PAFAH1B1: variants seen among roughly 807,000 people sequenced by gnomAD.
PAFAH1B1 encodes the protein platelet activating factor acetylhydrolase 1b regulatory subunit 1.
A neutral mutation model predicts 57.5 loss-of-function variants in PAFAH1B1; 2 were observed. The observed-to-expected ratio is 0.03, with a 90% CI of 0.01 to 0.11. The LOEUF is 0.11. Among genes scored for constraint, PAFAH1B1 ranks in the 10% least tolerant of loss-of-function variants. The pLI, the probability that PAFAH1B1 is intolerant of heterozygous loss-of-function variation, is 1.00. For synonymous variants in PAFAH1B1, 152 were observed against 169.6 expected (o/e 0.90, Z 0.81); for missense variants, 257 against 512.0 (o/e 0.50, Z 4.81).
At chr17:2,599,266 A>G (rs2068114464) in intron 1 of PAFAH1B1, among the ~76,000 whole-genome samples, 1 of 152,212 alleles carries the variant, frequency 6.6e-6, no homozygotes, top group Non-Finnish European at 1.5e-5. Context: ...GTCGAATGTT[A>G]GGTTAGTGAC....
intron 2 of PAFAH1B1, among the ~76,000 whole-genome samples, chr17:2,662,684 C>T (rs953639727): frequency 2.0e-5 from 3 of 152,026 alleles, no homozygotes; most frequent in East Asian, 3.9e-4. Context: ...GAATTACATG[C>T]GTAGGCCACT....
At position 2,619,406 on chromosome 17, in the gene PAFAH1B1, T is replaced by A. The variant is rs7224954; in HGVS notation, c.-190-18693T>A. ...ACCATGCCTGGCTAATTAAAAAAAA[T>A]TTTTTTGGTAGAGACTGGGTTTCAC... On this transcript the variant is annotated intron_variant, in intron 1 of 10. Coordinates refer to ENST00000397195, the MANE Select transcript of PAFAH1B1 (RefSeq NM_000430.4). Among the ~76,000 whole-genome samples the A allele has an allele frequency of 9.3e-3, 1,420 of 152,148 alleles. 17 individuals are homozygous for A. The highest frequency in any genetic ancestry group is 0.031 in the African/African-American group (1,296 of 41,516).
intron 8 of PAFAH1B1, among the ~76,000 whole-genome samples, chr17:2,675,597 T>C (rs547243547): frequency 3.3e-5 from 5 of 151,606 alleles, no homozygotes; most frequent in Admixed American, 1.3e-4. Context: ...AGCCCAGGAG[T>C]TTGAGCAACA....
At chr17:2,673,849 T>C (rs2069221394) in intron 7 of PAFAH1B1, 2 of 547,710 alleles carry the variant, frequency 3.7e-6, no homozygotes, top group Non-Finnish European at 6.6e-6. Context: ...ACATATTTTA[T>C]CTTCTAGATG....
intron 2 of PAFAH1B1, among the ~76,000 whole-genome samples, chr17:2,648,829 A>G (rs1379894484): frequency 6.6e-6 from 1 of 152,132 alleles, no homozygotes; most frequent in Non-Finnish European, 1.5e-5. Flanking sequence ...CCTACCAGAA[A>G]TTTACAACAA....
At chr17:2,652,150 G>A (rs151116779) in intron 2 of PAFAH1B1, among the ~76,000 whole-genome samples, 1,737 of 50,468 alleles carry the variant, frequency 0.034, 35 homozygotes, top group African/African-American at 0.063. Context: ...AGTGGCTCAC[G>A]CCTGTAATCC....
rs1198367514 is a variant in PAFAH1B1, at chr17:2,626,557, C to G, written c.-190-11542C>G. 2.8e-4 allele frequency among the ~76,000 whole-genome samples: 8 copies of G among 28,932 alleles called. 1 individual carries two copies. Among genetic ancestry groups the G allele is most frequent in the Non-Finnish European group, 3.8e-4 (5 of 13,252 alleles). The allele number at this position is 28,932 out of a possible 152,430, so 19.0% of individuals were successfully genotyped here. A position where few individuals can be genotyped will look rare whatever the true frequency, so the allele number is the denominator to read the frequency against. ...TTGAACCGGCATCACCTTTCTTCCC[C>G]CCCCCCCCCCCCCCGAGGCGGAGTC... On this transcript the variant is annotated intron_variant, in intron 1 of 10. Transcript: ENST00000397195.
At chr17:2,623,269 T>C (rs2068447135) in intron 1 of PAFAH1B1, among the ~76,000 whole-genome samples, 2 of 147,556 alleles carry the variant, frequency 1.4e-5, no homozygotes, top group South Asian at 2.1e-4. Flanking sequence ...TTCTTTTTTT[T>C]TTTTTTTTTT....
intron 1 of PAFAH1B1, among the ~76,000 whole-genome samples, chr17:2,622,020 C>T (rs911172475): frequency 1.1e-4 from 17 of 152,220 alleles, no homozygotes; most frequent in East Asian, 1.9e-4. Flanking sequence ...CATCCGATCT[C>T]GTGAGACTTA....
In PAFAH1B1 at chr17:2,683,148, C is replaced by G. The variant is rs1236968013; in HGVS notation, c.*1346C>G. ...AAAATCACTTCCGTTATGTCCCCCT[C>G]TAATTTAGCCGCTCGACATTTTACA... On this transcript the variant is annotated 3_prime_UTR_variant, in exon 11 of 11. Coordinates refer to ENST00000397195, the MANE Select transcript of PAFAH1B1 (RefSeq NM_000430.4). 1 of 152,208 alleles carries G rather than the reference C, an allele frequency of 6.6e-6. No individual in the cohort carries two copies. The highest frequency in any genetic ancestry group is 1.5e-5 in the Non-Finnish European group (1 of 68,038). 9.4% of individuals were successfully genotyped at this position (152,208 alleles called of 1,614,324 possible).
In PAFAH1B1 at chr17:2,681,785, G is replaced by A. The variant is rs1436423271; in HGVS notation, c.1216G>A (p.Val406Met). ...TGGCAGCGTAGATCAAACAGTAAAAGTGTGGGAGTGCCGTTGATTGTGTCT... is the reference window on the plus strand; with the variant it reads ...TGGCAGCGTAGATCAAACAGTAAAAATGTGGGAGTGCCGTTGATTGTGTCT... ...VTGSVDQTVKVWECR is the reference protein window; with the variant it reads ...VTGSVDQTVKMWECR The change falls in exon 11 of 11, where the codon GTG (valine) becomes ATG (methionine). Residue 406 changes from valine to methionine, a missense_variant. Val to Met is a conservative substitution (Grantham distance 21, BLOSUM62 1). Coordinates refer to ENST00000397195, the MANE Select transcript of PAFAH1B1 (RefSeq NM_000430.4). The A allele has an allele frequency of 6.2e-7, 1 of 1,612,106 alleles. No homozygotes were observed. The highest frequency in any genetic ancestry group is 1.7e-5 in the Admixed American group (1 of 59,996).
intron 1 of PAFAH1B1, among the ~76,000 whole-genome samples, chr17:2,615,389 A>C (rs2068325842): frequency 6.6e-6 from 1 of 152,230 alleles, no homozygotes; most frequent in Non-Finnish European, 1.5e-5. Flanking sequence ...GTTTCTTTAG[A>C]ACCTTTAGGT....
intron 1 of PAFAH1B1, among the ~76,000 whole-genome samples, chr17:2,596,099 G>A (rs1254351261): frequency 3.3e-5 from 5 of 152,042 alleles, no homozygotes; most frequent in Non-Finnish European, 7.4e-5. Context: ...TGCATGATGG[G>A]CATTGAATGA....
At chr17:2,654,138 A>G (rs909712958) in intron 2 of PAFAH1B1, among the ~76,000 whole-genome samples, 2 of 151,456 alleles carry the variant, frequency 1.3e-5, no homozygotes, top group African/African-American at 4.9e-5. Flanking sequence ...AAACTATTTA[A>G]TATGCTGCTT....
In PAFAH1B1 at chr17:2,668,889, T is replaced by C. The variant is rs530916668; in HGVS notation, c.400-1274T>C. Among the ~76,000 whole-genome samples the C allele has an allele frequency of 2.6e-5, 4 of 151,594 alleles. No homozygotes were observed. The South Asian group carries it at 8.4e-4, about 32-fold the overall frequency. ...TACTCGGGAGGCTGAGTCAGGAGAA[T>C]GGCGTGAACCCGGGAGGCGGAGCTT... On this transcript the variant is annotated intron_variant, in intron 5 of 10. Transcript: ENST00000397195.
chr17:2,651,375 A>C (rs1391035319), intron 2 of PAFAH1B1, among the ~76,000 whole-genome samples: 1 of 150,668 alleles, frequency 6.6e-6, no homozygotes, highest in Non-Finnish European at 1.5e-5. Context: ...TCAGGGGTTC[A>C]AGACCAGACT....
At chr17:2,597,790 G>GTA (rs2068100829) in intron 1 of PAFAH1B1, among the ~76,000 whole-genome samples, 1 of 151,816 alleles carries the variant, frequency 6.6e-6, no homozygotes, top group Non-Finnish European at 1.5e-5. Context: ...AAGTGTGTGT[G>GTA]TGTGTGTGTC....
At chr17:2,608,146 A>C (rs2068226994) in intron 1 of PAFAH1B1, among the ~76,000 whole-genome samples, 1 of 151,766 alleles carries the variant, frequency 6.6e-6, no homozygotes, top group Non-Finnish European at 1.5e-5. Flanking sequence ...GTGCAATGGC[A>C]CAATATCAGC....
At chr17:2,663,773 C>T (rs2069053682) in intron 2 of PAFAH1B1, among the ~76,000 whole-genome samples, 1 of 151,540 alleles carries the variant, frequency 6.6e-6, no homozygotes, top group African/African-American at 2.4e-5. Context: ...TCTCAGCTCA[C>T]TGCAACCTTT....
Sources: gnomAD v4.1 joint callset for allele counts (sites outside exome capture counted in the v4.1 genomes callset) on GRCh38, gnomAD v4.1.1 for gene constraint, MANE v1.5 for transcripts, NCBI Gene and HGNC (gene_info 2026-07-23, HGNC 2026-07-21) for gene names.